Variants in SLC16A12 observed in about 807,000 individuals in gnomAD.
The protein encoded by SLC16A12 is monocarboxylate transporter 12.
A neutral mutation model predicts 42.4 loss-of-function variants in SLC16A12; 17 were observed. That is an observed-to-expected ratio of 0.40 (90% CI 0.27 to 0.60). SLC16A12 has a LOEUF of 0.60. Among genes scored for constraint, SLC16A12 ranks in the 20% least tolerant of loss-of-function variants. The pLI, the probability that SLC16A12 is intolerant of heterozygous loss-of-function variation, is 0.42. For synonymous variants in SLC16A12, 224 were observed against 229.4 expected, an observed-to-expected ratio of 0.98 and a Z score of 0.21; for missense variants, 544 against 623.0, an observed-to-expected ratio of 0.87 and a Z score of 1.35.
At chr10:89,473,704 C>T (rs1842536325) in intron 2 of SLC16A12, among the ~76,000 whole-genome samples, 1 of 152,176 alleles carries the variant, frequency 6.6e-6, no homozygotes, top group Non-Finnish European at 1.5e-5. Flanking sequence ...ACTATTACCT[C>T]TGCAGTGGGG....
chr10:89,460,384 C>T (rs982344862), intron 3 of SLC16A12, among the ~76,000 whole-genome samples: 1 of 152,000 alleles, frequency 6.6e-6, no homozygotes, highest in Admixed American at 6.6e-5. Flanking sequence ...AGTCACAATG[C>T]CAAAGGGATA....
intron 3 of SLC16A12, among the ~76,000 whole-genome samples, chr10:89,449,130 A>G (rs1181072384): frequency 6.6e-6 from 1 of 152,230 alleles, no homozygotes; most frequent in Non-Finnish European, 1.5e-5. Context: ...ATGGAATAAC[A>G]TTCCATGCTC....
At chr10:89,520,720 CAAA>C (rs10712043) in intron 2 of SLC16A12, among the ~76,000 whole-genome samples, 14 of 100,088 alleles carry the variant, frequency 1.4e-4, no homozygotes, top group Admixed American at 3.4e-4. Flanking sequence ...TCACATAGGC[CAAA>C]AAAAAAAAAA....
intron 2 of SLC16A12, among the ~76,000 whole-genome samples, chr10:89,483,754 C>CAAAAAAAAAAAAAAAAAAAAAAA: frequency 9.8e-6 from 1 of 102,396 alleles, no homozygotes. Flanking sequence ...AAAAAAAAAA[C>CAAAAAAAAAAAAAAAAAAAAAAA]AAAAAAAAAA....
intron 2 of SLC16A12, among the ~76,000 whole-genome samples, chr10:89,540,633 G>A (rs918950969): frequency 2.0e-5 from 3 of 152,072 alleles, no homozygotes; most frequent in Non-Finnish European, 4.4e-5. Context: ...ATTTTCACTT[G>A]CATTCTCCCT....
intron 2 of SLC16A12, among the ~76,000 whole-genome samples, chr10:89,553,986 C>T (rs1460300519): frequency 1.4e-5 from 2 of 146,348 alleles, no homozygotes; most frequent in African/African-American, 2.6e-5. Context: ...CAGAGCGAGA[C>T]TCCATCTCAA....
chr10:89,534,375 T>C (rs1302787387), intron 2 of SLC16A12, 126 bp downstream of exon 2: 1 of 152,124 alleles, frequency 6.6e-6, no homozygotes, highest in Non-Finnish European at 1.5e-5. Flanking sequence ...GCCGGAAGAT[T>C]TTCCCCCTGG....
rs754033939 is a variant in SLC16A12, at chr10:89,446,807, A to G, written c.201-2948T>C. Among the ~76,000 whole-genome samples the G allele has an allele frequency of 1.3e-5, 2 of 152,184 alleles. 1 individual carries two copies. Among genetic ancestry groups the G allele is most frequent in the Non-Finnish European group, 2.9e-5 (2 of 68,020 alleles). ...TAAATACCCCAATTAAAAGACACAG[A>G]CTAGCCAATTGGATAAAGAGTCAAG... On this transcript the variant is annotated intron_variant, in intron 3 of 7. Coordinates refer to ENST00000371790, the MANE Select transcript of SLC16A12 (RefSeq NM_213606.4).
chr10:89,446,297 C>G (rs1036238725), intron 3 of SLC16A12, among the ~76,000 whole-genome samples: 1 of 152,008 alleles, frequency 6.6e-6, no homozygotes, highest in Non-Finnish European at 1.5e-5. Flanking sequence ...CCCCAAGACA[C>G]ATAATTATCA....
chr10:89,529,589 C>G (rs1265147343), intron 2 of SLC16A12, among the ~76,000 whole-genome samples: 1 of 150,416 alleles, frequency 6.6e-6, no homozygotes, highest in Non-Finnish European at 1.5e-5. Context: ...TCTCTGTTGC[C>G]CAGGCTGGAG....
chr10:89,552,648 C>A (rs1843778007), intron 2 of SLC16A12, among the ~76,000 whole-genome samples: 1 of 152,144 alleles, frequency 6.6e-6, no homozygotes, highest in South Asian at 2.1e-4. Context: ...CAATTCAACT[C>A]AACTAAACAG....
At chr10:89,439,643 C>T (rs887511858) in intron 5 of SLC16A12, among the ~76,000 whole-genome samples, 7 of 152,142 alleles carry the variant, frequency 4.6e-5, no homozygotes, top group Non-Finnish European at 1.0e-4. Context: ...ATGAAAATTC[C>T]AGGGTAATTT....
intron 3 of SLC16A12, among the ~76,000 whole-genome samples, chr10:89,451,307 T>G (rs535015872): frequency 6.6e-6 from 1 of 152,300 alleles, no homozygotes; most frequent in East Asian, 1.9e-4. Context: ...TAAACAAGAC[T>G]GCCATGTTAG....
At chr10:89,494,719 C>T (rs939654822) in intron 2 of SLC16A12, among the ~76,000 whole-genome samples, 2 of 151,976 alleles carry the variant, frequency 1.3e-5, no homozygotes, top group Non-Finnish European at 1.5e-5. Context: ...GGAAGGGAGA[C>T]GGTAAGAAGG....
intron 3 of SLC16A12, among the ~76,000 whole-genome samples, chr10:89,448,740 T>C (rs1443282761): frequency 3.9e-5 from 6 of 152,190 alleles, no homozygotes; most frequent in African/African-American, 1.2e-4. Flanking sequence ...TAACATAGTG[T>C]TGGACGTTCT....
upstream of SLC16A12, among the ~76,000 whole-genome samples, chr10:89,539,909 CTTTTTTCTTTT>C (rs1843703989): frequency 7.3e-6 from 1 of 137,048 alleles, no homozygotes; most frequent in African/African-American, 2.8e-5. Flanking sequence ...TTCTTTCTTT[CTTTTTTCTTTT>C]TTTCTTTCTT....
chr10:89,440,696 TC>T (rs2133691950), intron 5 of SLC16A12, among the ~76,000 whole-genome samples: 1 of 152,300 alleles, frequency 6.6e-6, no homozygotes, highest in African/African-American at 2.4e-5. Flanking sequence ...AATTAGAAAC[TC>T]CCATTTATTG....
In SLC16A12 at chr10:89,438,787, T is replaced by C. The variant is rs1375961001; in HGVS notation, c.845A>G (p.Asp282Gly). 1 of 1,614,092 alleles carries C rather than the reference T, an allele frequency of 6.2e-7. No individual in the cohort carries two copies. The highest frequency in any genetic ancestry group is 8.5e-7 in the Non-Finnish European group (1 of 1,180,028). The change falls in exon 6 of 8, where the codon GAC becomes GGC. Residue 282 changes from aspartate (D) to glycine (G), a missense_variant. Asp to Gly is a moderately conservative substitution (Grantham distance 94). Coordinates refer to ENST00000371790, the MANE Select transcript of SLC16A12 (RefSeq NM_213606.4). ...QQEYSFLLMS[D>G]FVVLAVSVLF... ...AACGGAGACGGCTAACACAACAAAG[T>C]CTGACATGAGTAAAAAACTGTACTC... is the stretch of plus-strand genomic sequence containing the variant.
In SLC16A12 at chr10:89,457,423, A is replaced by G. The variant is rs57513455; in HGVS notation, c.200+4956T>C. Among the ~76,000 whole-genome samples, 37 of 152,326 alleles carry G rather than the reference A, an allele frequency of 2.4e-4. No individual in the cohort carries two copies. In the East Asian group the frequency reaches 6.0e-3, roughly 25 times the overall value. On this transcript the variant is annotated intron_variant, in intron 3 of 7. Transcript: ENST00000371790. ...TAGAAAAATGCAAATCAAAACCCCA[A>G]TGAGATACAATCTCACACCAGTCAG...
Sources: allele counts gnomAD v4.1 joint callset (sites outside exome capture counted in the v4.1 genomes callset), GRCh38; gene constraint gnomAD v4.1.1; transcripts MANE v1.5; gene names NCBI Gene and HGNC (gene_info 2026-07-23, HGNC 2026-07-21).